RALYL: variants seen among roughly 807,000 people sequenced by gnomAD.
The protein encoded by RALYL is RALY RNA binding protein like, also known as RNA-binding Raly-like protein.
RALYL carries 29 observed loss-of-function variants against 35.1 expected under a neutral mutation model. That is an observed-to-expected ratio of 0.83 (90% confidence interval 0.61 to 1.13). The LOEUF (loss-of-function observed/expected upper bound fraction) is 1.13, where lower values mean the gene tolerates loss of function less well. Among genes scored for constraint, RALYL ranks in the 50% most tolerant of loss-of-function variants. The pLI, the probability that RALYL is intolerant of heterozygous loss-of-function variation, is 0.00. For missense variants in RALYL, 359 were observed against 360.4 expected, an observed-to-expected ratio of 1.00 and a Z score of 0.03; for synonymous variants, 120 against 127.6, an observed-to-expected ratio of 0.94 and a Z score of 0.40.
chr8:84,849,600 C>T (rs1001106575), intron 4 of RALYL, among the ~76,000 whole-genome samples: 15 of 151,330 alleles, frequency 9.9e-5, no homozygotes, highest in African/African-American at 3.6e-4. Context: ...TCTGTGTCGC[C>T]CAGGCTGGAG....
At chr8:84,326,192 T>C (rs961302311) in intron 1 of RALYL, among the ~76,000 whole-genome samples, 1 of 152,184 alleles carries the variant, frequency 6.6e-6, no homozygotes, top group South Asian at 2.1e-4. Context: ...AATATACATA[T>C]ATGAGTATGC....
chr8:84,301,521 T>C (rs1163542235), intron 1 of RALYL, among the ~76,000 whole-genome samples: 1 of 152,064 alleles, frequency 6.6e-6, no homozygotes, highest in Non-Finnish European at 1.5e-5. Flanking sequence ...CTTTTAACGA[T>C]AGTGCGAGGC....
At chr8:84,371,056 G>T (rs1049131683) in intron 1 of RALYL, among the ~76,000 whole-genome samples, 1 of 151,960 alleles carries the variant, frequency 6.6e-6, no homozygotes, top group Non-Finnish European at 1.5e-5. Flanking sequence ...GCGAGAGTAA[G>T]AATTAATTGT....
chr8:84,641,370 C>T (rs1826282035), intron 2 of RALYL, among the ~76,000 whole-genome samples: 1 of 151,630 alleles, frequency 6.6e-6, no homozygotes, highest in South Asian at 2.1e-4. Flanking sequence ...AAATCCTGAA[C>T]TATTTGTCAG....
chr8:84,347,169 C>T (rs1028640033), intron 1 of RALYL, among the ~76,000 whole-genome samples: 1 of 151,954 alleles, frequency 6.6e-6, no homozygotes, highest in Non-Finnish European at 1.5e-5. Flanking sequence ...CCACTGCACT[C>T]CAGCCTGGGT....
At chr8:84,379,983 G>A (rs17711687) in intron 1 of RALYL, among the ~76,000 whole-genome samples, 6,213 of 151,730 alleles carry the variant, frequency 0.041, 159 homozygotes, top group Middle Eastern at 0.055. Context: ...TTTCACAGAT[G>A]TTTGGCTATT....
chr8:84,762,340 G>T (rs1257171367), intron 2 of RALYL, among the ~76,000 whole-genome samples: 1 of 152,088 alleles, frequency 6.6e-6, no homozygotes, highest in African/African-American at 2.4e-5. Flanking sequence ...TTTGGTGAAG[G>T]ATCTTAGATC....
At chr8:84,448,456 C>G (rs1368674263) in intron 1 of RALYL, among the ~76,000 whole-genome samples, 1 of 151,962 alleles carries the variant, frequency 6.6e-6, no homozygotes, top group African/African-American at 2.4e-5. Flanking sequence ...TATTCTCTTG[C>G]CTCAATTGCA....
intron 2 of RALYL, among the ~76,000 whole-genome samples, chr8:84,615,333 T>C (rs1195719223): frequency 1.6e-5 from 2 of 127,408 alleles, no homozygotes; most frequent in South Asian, 4.4e-4. Flanking sequence ...TCATGTTAAA[T>C]ACATTGAAAA....
rs570863644 is a variant in RALYL at position 84,191,524 on chromosome 8, C to A, written c.-24+7100C>A. Among the ~76,000 whole-genome samples the A allele has an allele frequency of 2.0e-5, 3 of 152,186 alleles. No individual in the cohort carries two copies. In the South Asian group the frequency reaches 6.2e-4, roughly 32 times the overall value. On this transcript the variant is annotated intron_variant, in intron 1 of 8. Coordinates refer to ENST00000521268, the MANE Select transcript of RALYL (RefSeq NM_173848.7). ...CAAGAGCCCTTTAGTCTTCCTTAACCTAGAATTGGCTGATTCTAAGTCTGG... is the reference window on the plus strand; with the variant it reads ...CAAGAGCCCTTTAGTCTTCCTTAACATAGAATTGGCTGATTCTAAGTCTGG...
intron 4 of RALYL, among the ~76,000 whole-genome samples, chr8:84,826,847 A>G (rs943311584): frequency 3.9e-5 from 6 of 152,038 alleles, no homozygotes; most frequent in African/African-American, 1.5e-4. Context: ...TAACCTAATC[A>G]ACAAGGAAAG....
intron 2 of RALYL, among the ~76,000 whole-genome samples, chr8:84,652,450 C>T (rs1829037571): frequency 6.6e-6 from 1 of 151,998 alleles, no homozygotes; most frequent in South Asian, 2.1e-4. Context: ...CTGCTATGGC[C>T]TTAGAGTAAC....
chr8:84,915,457 C>G (rs1242499956), intron 8 of RALYL, among the ~76,000 whole-genome samples: 3 of 152,054 alleles, frequency 2.0e-5, no homozygotes, highest in Admixed American at 6.6e-5. Flanking sequence ...GTCATACTCT[C>G]TAGATTTTTG....
At chr8:84,680,100 G>T (rs1379619943) in intron 2 of RALYL, among the ~76,000 whole-genome samples, 1 of 151,966 alleles carries the variant, frequency 6.6e-6, no homozygotes. Context: ...AACATGCGGT[G>T]TTTGGTTTTT....
intron 1 of RALYL, among the ~76,000 whole-genome samples, chr8:84,251,135 C>T (rs1308886045): frequency 6.6e-6 from 1 of 152,014 alleles, no homozygotes; most frequent in Non-Finnish European, 1.5e-5. Flanking sequence ...TTCCTACACT[C>T]TTGTATAAAT....
intron 1 of RALYL, among the ~76,000 whole-genome samples, chr8:84,487,133 CTTTA>C (rs1002012158): frequency 5.3e-5 from 8 of 152,076 alleles, no homozygotes; most frequent in African/African-American, 1.9e-4. Flanking sequence ...GAATACAGTG[CTTTA>C]TTTCATTTTA....
intron 1 of RALYL, among the ~76,000 whole-genome samples, chr8:84,390,658 A>G (rs1196099383): frequency 6.6e-6 from 1 of 152,000 alleles, no homozygotes; most frequent in Non-Finnish European, 1.5e-5. Context: ...CTCTGATGGT[A>G]GTTTCTATTT....
At chr8:84,393,245 C>T (rs79104456) in intron 1 of RALYL, among the ~76,000 whole-genome samples, 365 of 152,054 alleles carry the variant, frequency 2.4e-3, no homozygotes, top group Middle Eastern at 6.8e-3. Flanking sequence ...GTAAAGGATC[C>T]GCTCCCACGC....
chr8:84,690,666 A>C (rs935386356), intron 2 of RALYL, among the ~76,000 whole-genome samples: 17 of 152,072 alleles, frequency 1.1e-4, no homozygotes, highest in Non-Finnish European at 4.4e-5. Flanking sequence ...ATTTAAAAAC[A>C]AAAAAATTTA....
Sources: allele counts gnomAD v4.1 joint callset (sites outside exome capture counted in the v4.1 genomes callset), GRCh38; gene constraint gnomAD v4.1.1; transcripts MANE v1.5; gene names NCBI Gene and HGNC (gene_info 2026-07-23, HGNC 2026-07-21).